GPM6A: variants seen among roughly 807,000 people sequenced by gnomAD.
GPM6A encodes neuronal membrane glycoprotein M6-a.
GPM6A carries 7 observed loss-of-function variants against 32.1 expected under a neutral mutation model. That is an observed-to-expected ratio of 0.22 (90% CI 0.12 to 0.41). The LOEUF (loss-of-function observed/expected upper bound fraction) is 0.41, where lower values mean the gene tolerates loss of function less well. GPM6A is among the 10% of genes least tolerant of loss of function. The pLI, the probability that GPM6A is intolerant of heterozygous loss-of-function variation, is 1.00. For synonymous variants in GPM6A, 130 were observed against 123.4 expected, an observed-to-expected ratio of 1.05 and a Z score of -0.35; for missense variants, 235 against 347.2, an observed-to-expected ratio of 0.68 and a Z score of 2.57.
At chr4:175,726,943 C>A (rs947656834) in intron 1 of GPM6A, among the ~76,000 whole-genome samples, 2 of 152,204 alleles carry the variant, frequency 1.3e-5, no homozygotes, top group Admixed American at 1.3e-4. Flanking sequence ...TTACGGTAAG[C>A]CAAGATCATG....
At chr4:175,841,322 AT>A (rs1022308871) in intron 1 of GPM6A, among the ~76,000 whole-genome samples, 1 of 151,982 alleles carries the variant, frequency 6.6e-6, no homozygotes, top group Non-Finnish European at 1.5e-5. Context: ...CATCATAACA[AT>A]TTTTTTTAAA....
chr4:175,757,338 C>T (rs918659835), intron 1 of GPM6A, among the ~76,000 whole-genome samples: 2 of 152,084 alleles, frequency 1.3e-5, no homozygotes, highest in African/African-American at 4.8e-5. Flanking sequence ...GCCAGAACTG[C>T]CTATGACTAC....
At chr4:175,674,410 A>G (rs1225233186) in intron 2 of GPM6A, among the ~76,000 whole-genome samples, 1 of 152,150 alleles carries the variant, frequency 6.6e-6, no homozygotes, top group Non-Finnish European at 1.5e-5. Flanking sequence ...TCCTGAGCTC[A>G]GGCAATCCAC....
At chr4:175,830,195 A>G (rs1735566175) in intron 1 of GPM6A, among the ~76,000 whole-genome samples, 1 of 152,276 alleles carries the variant, frequency 6.6e-6, no homozygotes, top group East Asian at 1.9e-4. Context: ...TGAGCTGGTC[A>G]TGTGAGTTTG....
intron 1 of GPM6A, among the ~76,000 whole-genome samples, chr4:175,841,454 G>A (rs1174209365): frequency 6.6e-6 from 1 of 152,060 alleles, no homozygotes; most frequent in Non-Finnish European, 1.5e-5. Context: ...AAGAAATATG[G>A]TAAAATAAAG....
chr4:175,791,890 T>A (rs114791594), intron 1 of GPM6A, among the ~76,000 whole-genome samples: 2,502 of 152,240 alleles, frequency 0.016, 26 homozygotes, highest in African/African-American at 0.024. Context: ...ATACTTCCAT[T>A]TATTAAAATA....
intron 1 of GPM6A, among the ~76,000 whole-genome samples, chr4:175,848,017 TATC>T (rs2111396902): frequency 6.6e-6 from 1 of 152,296 alleles, no homozygotes; most frequent in Admixed American, 6.5e-5. Flanking sequence ...CTGCAAAAGA[TATC>T]AAATTCTTTC....
At chr4:175,775,899 C>T (rs1396643966) in intron 1 of GPM6A, among the ~76,000 whole-genome samples, 3 of 151,880 alleles carry the variant, frequency 2.0e-5, no homozygotes, top group Non-Finnish European at 2.9e-5. Flanking sequence ...AATGAAAGCA[C>T]AAAAGGGGAG....
chr4:175,918,924 C>T (rs2111522069), intron 1 of GPM6A, among the ~76,000 whole-genome samples: 1 of 151,692 alleles, frequency 6.6e-6, no homozygotes, highest in Admixed American at 6.6e-5. Context: ...TGGTTTTTGT[C>T]TTATTATCTT....
rs1012274067 is a variant in GPM6A at position 175,833,063 on chromosome 4, T to G, written c.-22-20814A>C. On this transcript the variant is annotated intron_variant, in intron 1 of 7. Transcript: ENST00000280187. ...GAAGCATTTCCATCGAGGGAAGGAG[T>G]GAGTGTAAGGAGTATTTCCCCCAAA... Among the ~76,000 whole-genome samples, 3 of 151,424 alleles carry G rather than the reference T, an allele frequency of 2.0e-5. No homozygotes were observed. In the South Asian group the frequency reaches 6.2e-4, roughly 32 times the overall value.
intron 1 of GPM6A, among the ~76,000 whole-genome samples, chr4:175,791,009 A>G (rs1268937971): frequency 6.6e-6 from 1 of 152,174 alleles, no homozygotes; most frequent in Non-Finnish European, 1.5e-5. Context: ...GAGAGAATAA[A>G]GAAAAAAAGA....
At chr4:175,706,547 A>G (rs1745200027) in intron 1 of GPM6A, among the ~76,000 whole-genome samples, 2 of 152,176 alleles carry the variant, frequency 1.3e-5, no homozygotes, top group African/African-American at 4.8e-5. Flanking sequence ...TCCTAATATT[A>G]TTTACCAGGC....
At chr4:175,995,726 A>G (rs1271519664) in intron 1 of GPM6A, among the ~76,000 whole-genome samples, 1 of 152,220 alleles carries the variant, frequency 6.6e-6, no homozygotes, top group Admixed American at 6.5e-5. Flanking sequence ...AGGTTCTACA[A>G]TAAGAAAGTT....
At chr4:175,655,329 T>G (rs375300559) in intron 3 of GPM6A, among the ~76,000 whole-genome samples, 1 of 152,100 alleles carries the variant, frequency 6.6e-6, no homozygotes, top group East Asian at 1.9e-4. Flanking sequence ...GAAGCTAAAA[T>G]ATAATTTGAT....
At position 175,974,857 on chromosome 4, in the gene GPM6A, A is replaced by AT. The variant is rs199884271; in HGVS notation, c.-23+27451dup. Reference sequence around the variant, plus strand: ...GCCACCATGCCCAGCTAATTTTGGTATTTTTTGTAGAGACAGGGGTCTCCC... The same window carrying AT: ...GCCACCATGCCCAGCTAATTTTGGTATTTTTTTGTAGAGACAGGGGTCTCCC... On this transcript the variant is annotated intron_variant, in intron 1 of 7. Transcript: ENST00000280187. Among the ~76,000 whole-genome samples the AT allele has an allele frequency of 1.0e-3, 155 of 152,062 alleles. No individual in the cohort carries two copies. In the East Asian group the frequency reaches 0.027, roughly 27 times the overall value.
At chr4:175,950,409 A>G (rs957984462) in intron 1 of GPM6A, among the ~76,000 whole-genome samples, 15 of 152,204 alleles carry the variant, frequency 9.9e-5, no homozygotes, top group African/African-American at 3.6e-4. Flanking sequence ...GTTCTATACA[A>G]CTGGATATAA....
At chr4:175,750,351 C>G (rs945766250) in intron 1 of GPM6A, among the ~76,000 whole-genome samples, 1 of 152,122 alleles carries the variant, frequency 6.6e-6, no homozygotes, top group Non-Finnish European at 1.5e-5. Flanking sequence ...AGCCACCACA[C>G]CTGGCCCTAA....
intron 1 of GPM6A, among the ~76,000 whole-genome samples, chr4:175,859,806 C>A (rs1407619865): frequency 6.6e-6 from 1 of 151,992 alleles, no homozygotes; most frequent in East Asian, 1.9e-4. Flanking sequence ...GCCCCCAAAA[C>A]AAAACCATCC....
intron 1 of GPM6A, among the ~76,000 whole-genome samples, chr4:175,994,240 AAAG>A (rs1280697431): frequency 6.6e-6 from 1 of 152,240 alleles, no homozygotes; most frequent in African/African-American, 2.4e-5. Context: ...GACTGATGAA[AAAG>A]AAGAGACAGC....
Sources: gnomAD v4.1 joint callset for allele counts (sites outside exome capture counted in the v4.1 genomes callset) on GRCh38, gnomAD v4.1.1 for gene constraint, MANE v1.5 for transcripts, NCBI Gene and HGNC (gene_info 2026-07-23, HGNC 2026-07-21) for gene names.